The following POLR2B variants were observed in gnomAD, a reference collection of about 807,000 sequenced individuals.
POLR2B encodes DNA-directed RNA polymerase II subunit RPB2.
A neutral mutation model predicts 144.6 loss-of-function variants in POLR2B; 57 were observed. The observed-to-expected ratio is 0.39, with a 90% CI of 0.32 to 0.49. The LOEUF is 0.49. Among genes scored for constraint, POLR2B ranks in the 20% least tolerant of loss-of-function variants. POLR2B has a pLI of 0.83. For synonymous variants in POLR2B, 442 were observed against 469.8 expected (o/e 0.94, Z 0.77); for missense variants, 595 against 1,467.4 (o/e 0.41, Z 9.71).
At chr4:56,984,403 T>A (rs1722255492) in intron 1 of POLR2B, among the ~76,000 whole-genome samples, 1 of 152,216 alleles carries the variant, frequency 6.6e-6, no homozygotes, top group South Asian at 2.1e-4. Context: ...TATGCCAATG[T>A]ATATCTATTA....
chr4:56,990,913 A>G lies in POLR2B; in HGVS notation c.243+15A>G, dbSNP rs774070522. 6.2e-7 allele frequency: 1 copy of G among 1,601,974 alleles called. No individual in the cohort carries two copies. The highest frequency in any genetic ancestry group is 1.1e-5 in the South Asian group (1 of 88,812). On this transcript the variant is annotated intron_variant, in intron 3 of 24. Transcript: ENST00000314595. ...TTGAAGAACCGGTAAGATAGTTCTA[A>G]TAGTTACACAGGTACAAGAAGCGTA...
Position 57,006,878 on chromosome 4 carries a change from A to G in POLR2B, c.1280A>G (p.Lys427Arg). 6.2e-7 allele frequency: 1 copy of G among 1,613,706 alleles called. No homozygotes were observed. The highest frequency in any genetic ancestry group is 8.5e-7 in the Non-Finnish European group (1 of 1,179,606). ...IYAQKFIDRGKDFNLELAIKT... is the reference protein window; with the variant it reads ...IYAQKFIDRGRDFNLELAIKT... The stretch of plus-strand genomic sequence containing the variant: ...GCACAGAAATTTATTGATCGAGGAA[A>G]GGATTTTAACTTGGAGTTGGCAATT... The change falls in exon 10 of 25, where the codon AAG (lysine) becomes AGG (arginine). Residue 427 changes from lysine to arginine, a missense_variant. By Grantham distance (26) the Lys-to-Arg change is conservative. Around this residue, in one of 9 missense-constraint regions of POLR2B, gnomAD observed 251 missense variants for 567.3 expected, o/e 0.44. Coordinates refer to ENST00000314595, the MANE Select transcript of POLR2B (RefSeq NM_000938.3).
At chr4:56,990,925 G>A (rs761260872) in intron 3 of POLR2B, 27 bp downstream of exon 3, 8 of 1,580,896 alleles carry the variant, frequency 5.1e-6, no homozygotes, top group Non-Finnish European at 6.9e-6. Context: ...AGTTACACAG[G>A]TACAAGAAGC....
chr4:56,995,218 T>A, intron 5 of POLR2B, 33 bp from the exon 6 acceptor site: 1 of 1,552,668 alleles, frequency 6.4e-7, no homozygotes, highest in Non-Finnish European at 8.8e-7. Context: ...TGTTTTGGAT[T>A]TTATGGCTGT....
At chr4:57,004,219 G>T (rs570670590) in intron 7 of POLR2B, among the ~76,000 whole-genome samples, 1 of 151,198 alleles carries the variant, frequency 6.6e-6, no homozygotes, top group Admixed American at 6.6e-5. Flanking sequence ...TAGAGACGGG[G>T]TTTCACTGTG....
intron 23 of POLR2B, among the ~76,000 whole-genome samples, chr4:57,025,943 T>G (rs1723703129): frequency 1.3e-5 from 2 of 152,112 alleles, no homozygotes; most frequent in Admixed American, 6.5e-5. Context: ...AAAAAAATTT[T>G]TTTTTTGTAG....
intron 16 of POLR2B, among the ~76,000 whole-genome samples, chr4:57,019,634 C>T (rs1418848817): frequency 3.3e-5 from 5 of 152,146 alleles, no homozygotes; most frequent in Admixed American, 6.5e-5. Context: ...TTCTTTAATT[C>T]TTCAGTATGT....
chr4:57,028,825 A>G (rs1439440397), intron 23 of POLR2B, among the ~76,000 whole-genome samples: 1 of 152,234 alleles, frequency 6.6e-6, no homozygotes, highest in African/African-American at 2.4e-5. Flanking sequence ...TTAAATATCC[A>G]GATTTACATT....
chr4:56,998,397 A>G (rs955075776), intron 6 of POLR2B, among the ~76,000 whole-genome samples: 4 of 152,158 alleles, frequency 2.6e-5, no homozygotes, highest in African/African-American at 9.7e-5. Context: ...GGGTTTCACC[A>G]TGTTAGCCAG....
rs564284674 is a variant in POLR2B at position 57,004,520 on chromosome 4, C to T, written c.901-726C>T. Among the ~76,000 whole-genome samples, 14 of 152,282 alleles carry T rather than the reference C, an allele frequency of 9.2e-5. No homozygotes were observed. In the South Asian group the frequency reaches 2.9e-3, roughly 32 times the overall value. On this transcript the variant is annotated intron_variant, in intron 7 of 24. Coordinates refer to ENST00000314595, the MANE Select transcript of POLR2B (RefSeq NM_000938.3). ...ATGCTAGGATTATAGGAGTAAGCCC[C>T]ACCCCACGCAGGCCAAACATTTTTT...
chr4:57,019,466 A>G (rs1222336920), intron 16 of POLR2B, among the ~76,000 whole-genome samples: 1 of 152,016 alleles, frequency 6.6e-6, no homozygotes, highest in Non-Finnish European at 1.5e-5. Context: ...CAGCCTCCCA[A>G]AGTGCCGGGA....
Position 57,007,105 on chromosome 4 carries a change from G to T in POLR2B, c.1404+103G>T. On this transcript the variant is annotated intron_variant, in intron 10 of 24. Coordinates refer to ENST00000314595, the MANE Select transcript of POLR2B (RefSeq NM_000938.3). ...ATAAATTATTTTGCTTTTCTTTCTT[G>T]GTCAAAGGTAAAACTACTGGGTGCC... The T allele has an allele frequency of 4.5e-6, 4 of 891,232 alleles. No homozygotes were observed. In the South Asian group the frequency reaches 5.4e-5, roughly 12 times the overall value. 55.2% of individuals were successfully genotyped at this position (891,232 alleles called of 1,614,324 possible).
At position 57,006,905 on chromosome 4, in the gene POLR2B, A is replaced by G. The variant is rs1333684336; in HGVS notation, c.1307A>G (p.Lys436Arg). ...GKDFNLELAI[K>R]TRIISDGLKY... Reference sequence around the variant, plus strand: ...GATTTTAACTTGGAGTTGGCAATTAAAACACGGATCATATCTGATGGCCTA... The same window carrying G: ...GATTTTAACTTGGAGTTGGCAATTAGAACACGGATCATATCTGATGGCCTA... Residue 436 changes from lysine to arginine, a missense_variant, in exon 10 of 25, where the codon AAA (lysine) becomes AGA (arginine). Around this residue, in one of 9 missense-constraint regions of POLR2B, gnomAD observed 251 missense variants for 567.3 expected, o/e 0.44. Transcript: ENST00000314595. The G allele has an allele frequency of 1.2e-6, 2 of 1,613,532 alleles. No individual in the cohort carries two copies. The highest frequency in any genetic ancestry group is 1.7e-6 in the Non-Finnish European group (2 of 1,179,456).
At position 57,006,989 on chromosome 4, in the gene POLR2B, C is replaced by T. The variant is rs1723038816; in HGVS notation, c.1391C>T (p.Ala464Val). 1 of 1,612,686 alleles carries T rather than the reference C, an allele frequency of 6.2e-7. No homozygotes were observed. The highest frequency in any genetic ancestry group is 8.5e-7 in the Non-Finnish European group (1 of 1,179,036). The part of the protein sequence containing the change: ...GDQKKAHQAR[A>V]GVSQVLNRLT... ...CAAAAGAAAGCTCATCAAGCCAGAG[C>T]TGGAGTATCTCAGGTAAGTGTGCCA... The change falls in exon 10 of 25, where the codon GCT becomes GTT. Residue 464 changes from alanine to valine, a missense_variant. By Grantham distance (64) the Ala-to-Val change is moderately conservative (BLOSUM62 0). This residue lies in a region of POLR2B where 251 missense variants were observed against 567.3 expected (regional missense o/e 0.44). Coordinates refer to ENST00000314595, the MANE Select transcript of POLR2B (RefSeq NM_000938.3).
At chr4:56,992,632 T>C (rs1722555482) in intron 3 of POLR2B, among the ~76,000 whole-genome samples, 1 of 146,834 alleles carries the variant, frequency 6.8e-6, no homozygotes, top group Non-Finnish European at 1.5e-5. Flanking sequence ...CGATCTCGGC[T>C]CACTGCAGGC....
intron 2 of POLR2B, among the ~76,000 whole-genome samples, chr4:56,987,974 C>G (rs1411180075): frequency 6.6e-6 from 1 of 152,026 alleles, no homozygotes; most frequent in East Asian, 1.9e-4. Flanking sequence ...CTATATAGTC[C>G]CAGCTACCTG....
At position 56,980,006 on chromosome 4, in the gene POLR2B, C is replaced by G. The variant is rs544300831; in HGVS notation, c.19+1002C>G. The stretch of plus-strand genomic sequence containing the variant: ...CTTATTTTCTTATAGCTCTCAATTC[C>G]TTGGCCACCCCCTACATCTCCTCTC... On this transcript the variant is annotated intron_variant, in intron 1 of 24. Transcript: ENST00000314595. 3.3e-5 allele frequency among the ~76,000 whole-genome samples: 5 copies of G among 152,116 alleles called. No homozygotes were observed. The East Asian group carries it at 7.7e-4, about 23-fold the overall frequency.
chr4:57,029,799 T>C (rs1184636906), intron 23 of POLR2B, among the ~76,000 whole-genome samples: 2 of 152,222 alleles, frequency 1.3e-5, no homozygotes, highest in Admixed American at 6.5e-5. Flanking sequence ...CTCCACTCTA[T>C]GCTTTATTGT....
chr4:56,997,505 C>T (rs1722725620), intron 6 of POLR2B, among the ~76,000 whole-genome samples: 1 of 152,220 alleles, frequency 6.6e-6, no homozygotes, highest in Non-Finnish European at 1.5e-5. Context: ...GACCTGCCTG[C>T]CTTGGCCTTC....
Sources: gnomAD v4.1 joint callset for allele counts (sites outside exome capture counted in the v4.1 genomes callset) on GRCh38, gnomAD v4.1.1 for gene constraint, gnomAD v4.1.1 regional missense constraint, MANE v1.5 for transcripts, NCBI Gene and HGNC (gene_info 2026-07-23, HGNC 2026-07-21) for gene names.